Variants in ARHGEF37 observed in about 807,000 individuals in gnomAD.
ARHGEF37 encodes Rho guanine nucleotide exchange factor (GEF) 37.
ARHGEF37 carries 55 observed loss-of-function variants against 71.1 expected under a neutral mutation model. That is an observed-to-expected ratio of 0.77 (90% CI 0.62 to 0.97). ARHGEF37 has a LOEUF of 0.97. Among genes scored for constraint, ARHGEF37 ranks in the 50% least tolerant of loss-of-function variants. ARHGEF37 has a pLI of 0.00. For missense variants in ARHGEF37, 765 were observed against 836.8 expected, an observed-to-expected ratio of 0.91 and a Z score of 1.06; for synonymous variants, 327 against 350.6, an observed-to-expected ratio of 0.93 and a Z score of 0.75.
chr5:149,587,487 A>G (rs1763270542), intron 1 of ARHGEF37, among the ~76,000 whole-genome samples: 1 of 152,212 alleles, frequency 6.6e-6, no homozygotes, highest in Admixed American at 6.5e-5. Flanking sequence ...CCTGTAAGAA[A>G]GGTTATATAA....
intron 3 of ARHGEF37, among the ~76,000 whole-genome samples, chr5:149,608,510 C>T (rs1763980091): frequency 6.6e-6 from 1 of 151,854 alleles, no homozygotes; most frequent in Non-Finnish European, 1.5e-5. Flanking sequence ...GTAGCTGGGA[C>T]TACAAGGGCA....
intron 1 of ARHGEF37, among the ~76,000 whole-genome samples, chr5:149,575,220 T>C (rs1763012149): frequency 6.6e-6 from 1 of 152,252 alleles, no homozygotes. Context: ...ATGCCTTGTC[T>C]GTACTTTCTG....
At position 149,609,553 on chromosome 5, in the gene ARHGEF37, ATATTTC is replaced by A; in HGVS notation, c.318_323del (p.Ile106_Leu108delinsMet). ...TGTTGCGTCTTCACTCTCAGGTAAC[ATATTTC>A]TGGAATTCCAAGAGGAGTTGGAGCA... On this transcript the variant is annotated inframe_deletion, in exon 4 of 13. Coordinates refer to ENST00000333677, the MANE Select transcript of ARHGEF37 (RefSeq NM_001001669.3). 6.2e-7 allele frequency: 1 copy of A among 1,613,976 alleles called. No individual in the cohort carries two copies. The highest frequency in any genetic ancestry group is 8.5e-7 in the Non-Finnish European group (1 of 1,179,956).
Position 149,624,090 on chromosome 5 carries a change from C to G in ARHGEF37, c.1414C>G (p.Arg472Gly). Residue 472 changes from arginine to glycine, a missense_variant, in exon 10 of 13, where the codon CGC (arginine) becomes GGC (glycine). Physicochemically the swap from Arg to Gly is moderately radical, Grantham distance 125. Transcript: ENST00000333677. ...ACTGGGCCGGACGAGTAACCAGCTT[C>G]GCTCCTTTCAAGAGACCTTTGAGAA... ...DALGRTSNQL[R>G]SFQETFEKVQ... The G allele has an allele frequency of 1.2e-6, 2 of 1,612,204 alleles. No individual in the cohort carries two copies. Among genetic ancestry groups the G allele is most frequent in the South Asian group, 2.2e-5 (2 of 90,994 alleles).
intron 1 of ARHGEF37, among the ~76,000 whole-genome samples, chr5:149,582,483 G>A (rs1334408911): frequency 1.3e-5 from 2 of 152,058 alleles, no homozygotes; most frequent in East Asian, 1.9e-4. Flanking sequence ...ATGTGTAGAC[G>A]GGGGATGAGA....
chr5:149,581,187 A>G (rs1295234585), upstream of ARHGEF37, among the ~76,000 whole-genome samples: 5 of 152,208 alleles, frequency 3.3e-5, no homozygotes, highest in African/African-American at 9.6e-5. Context: ...TACCGGGGTC[A>G]GCATTCCCAC....
At position 149,590,502 on chromosome 5, in the gene ARHGEF37, G is replaced by A. The variant is rs140622537; in HGVS notation, c.-11-7257G>A. The stretch of plus-strand genomic sequence containing the variant: ...TCACCATGTTGGTCAGGCTGGTCTC[G>A]AACTCCTGACCTCGTGATTGGCCCA... On this transcript the variant is annotated intron_variant, in intron 1 of 12. Coordinates refer to ENST00000333677, the MANE Select transcript of ARHGEF37 (RefSeq NM_001001669.3). 7.7e-3 allele frequency among the ~76,000 whole-genome samples: 1,165 copies of A among 151,824 alleles called. 22 individuals are homozygous for A. The highest frequency in any genetic ancestry group is 0.027 in the African/African-American group (1,101 of 41,422).
chr5:149,554,849 T>G (rs1377591816), intron 1 of ARHGEF37, among the ~76,000 whole-genome samples: 1 of 151,894 alleles, frequency 6.6e-6, no homozygotes, highest in African/African-American at 2.4e-5. Flanking sequence ...AGGAGTCTTT[T>G]AGGCCAGGCA....
intron 12 of ARHGEF37, among the ~76,000 whole-genome samples, chr5:149,629,946 G>T (rs1752828526): frequency 6.6e-6 from 1 of 150,890 alleles, no homozygotes; most frequent in Non-Finnish European, 1.5e-5. Flanking sequence ...GATGCAAAAG[G>T]CCACATAGGA....
chr5:149,561,983 CTCT>C (rs1274847950), intron 1 of ARHGEF37, among the ~76,000 whole-genome samples: 5 of 152,198 alleles, frequency 3.3e-5, no homozygotes, highest in Middle Eastern at 3.2e-3. Context: ...AGTAATCTAA[CTCT>C]TCTTTGTGAG....
chr5:149,599,432 A>AATTTATTTATTTATTTATTTATTTATTT (rs1763686983), intron 2 of ARHGEF37, among the ~76,000 whole-genome samples: 1 of 44,936 alleles, frequency 2.2e-5, no homozygotes, highest in Non-Finnish European at 4.2e-5. Flanking sequence ...GCCCAAGGCA[A>AATTTATTTATTTATTTATTTATTTATTT]ACTTATTTAT....
In ARHGEF37 at chr5:149,633,733, C is replaced by G. The variant is rs1024740319; in HGVS notation, c.*1542C>G. 1 of 152,190 alleles carries G rather than the reference C, an allele frequency of 6.6e-6. No individual in the cohort carries two copies. Among genetic ancestry groups the G allele is most frequent in the Non-Finnish European group, 1.5e-5 (1 of 68,042 alleles). 9.4% of individuals were successfully genotyped at this position (152,190 alleles called of 1,614,324 possible). On this transcript the variant is annotated 3_prime_UTR_variant, in exon 13 of 13. Coordinates refer to ENST00000333677, the MANE Select transcript of ARHGEF37 (RefSeq NM_001001669.3). ...TTCCAAGAACATGTCTGTGTTATAA[C>G]CATAGTGCCTAAGCAGTGAGCTCTG... is the stretch of plus-strand genomic sequence containing the variant.
Position 149,618,870 on chromosome 5 carries a change from G to A in ARHGEF37, c.790-68G>A, listed in dbSNP as rs534284876. On this transcript the variant is annotated intron_variant, in intron 6 of 12. Coordinates refer to ENST00000333677, the MANE Select transcript of ARHGEF37 (RefSeq NM_001001669.3). ...GGAAAGGTTGTCCCAGTGAGGACCT[G>A]GAACACTGAAGCCGGTGTACACTGC... 2.3e-4 allele frequency: 311 copies of A among 1,323,542 alleles called. 1 individual carries two copies. The highest frequency in any genetic ancestry group is 3.3e-4 in the Non-Finnish European group (307 of 920,336). 82.0% of individuals were successfully genotyped at this position (1,323,542 alleles called of 1,614,324 possible).
intron 4 of ARHGEF37, among the ~76,000 whole-genome samples, chr5:149,610,058 G>A (rs1168221164): frequency 6.6e-6 from 1 of 152,182 alleles, no homozygotes; most frequent in Non-Finnish European, 1.5e-5. Flanking sequence ...ATTGAATGCT[G>A]TGGGCCAGAA....
chr5:149,597,918 A>C lies in ARHGEF37; in HGVS notation c.149A>C (p.Gln50Pro). ...DTEVSYLHML[Q>P]LCASDIRSRL... is the part of the protein sequence containing the mutation. The stretch of plus-strand genomic sequence containing the variant: ...GAGGTCTCCTACTTGCACATGCTCC[A>C]GCTCTGTGCCTCTGACATCAGGAGC... Residue 50 changes from glutamine (Q) to proline (P), a missense_variant, in exon 2 of 13, where the codon CAG becomes CCG. Physicochemically the swap from Gln to Pro is moderately conservative, Grantham distance 76. Transcript: ENST00000333677. 4 of 1,604,392 alleles carry C rather than the reference A, an allele frequency of 2.5e-6. No homozygotes were observed. The highest frequency in any genetic ancestry group is 2.6e-6 in the Non-Finnish European group (3 of 1,175,842).
chr5:149,555,753 T>C (rs1298000806), intron 1 of ARHGEF37, among the ~76,000 whole-genome samples: 5 of 151,450 alleles, frequency 3.3e-5, no homozygotes, highest in Non-Finnish European at 5.9e-5. Flanking sequence ...AAGGAAAGAG[T>C]AGAACACAAA....
chr5:149,626,956 C>T, intron 10 of ARHGEF37, 120 bp from the exon 11 acceptor site: 1 of 373,900 alleles, frequency 2.7e-6, no homozygotes, highest in Non-Finnish European at 4.5e-6. Flanking sequence ...GTGGGCCCTT[C>T]AGTGGCAGAG....
chr5:149,585,669 C>CG (rs1763215009), intron 1 of ARHGEF37, among the ~76,000 whole-genome samples: 1 of 127,366 alleles, frequency 7.9e-6, no homozygotes, highest in Non-Finnish European at 1.6e-5. Flanking sequence ...AGGTGTCTGC[C>CG]ACCACGCCCA....
Position 149,631,979 on chromosome 5 carries a change from C to T in ARHGEF37, c.1819-3C>T. 1 of 1,614,020 alleles carries T rather than the reference C, an allele frequency of 6.2e-7. No homozygotes were observed. The highest frequency in any genetic ancestry group is 8.5e-7 in the Non-Finnish European group (1 of 1,179,892). ...TTTCTGTGTCACTCCCCATGTGTTT[C>T]AGGTCATAGCCGCGTACCCTTTTGT... is the stretch of plus-strand genomic sequence containing the variant. On this transcript the variant is annotated splice_region_variant and splice_polypyrimidine_tract_variant and intron_variant, in intron 12 of 12. Coordinates refer to ENST00000333677, the MANE Select transcript of ARHGEF37 (RefSeq NM_001001669.3).
Sources: gnomAD v4.1 joint callset for allele counts (sites outside exome capture counted in the v4.1 genomes callset) on GRCh38, gnomAD v4.1.1 for gene constraint, MANE v1.5 for transcripts, NCBI Gene and HGNC (gene_info 2026-07-23, HGNC 2026-07-21) for gene names.